BICRA: variants seen among roughly 807,000 people sequenced by gnomAD.
BICRA encodes BRD4-interacting chromatin-remodeling complex-associated protein.
In BICRA, 31 loss-of-function variants were observed where a neutral mutation model predicts 96.9. The ratio of observed to expected loss-of-function variants is 0.32; its 90% confidence interval spans 0.24 to 0.43. The LOEUF (loss-of-function observed/expected upper bound fraction) is 0.43, where lower values mean the gene tolerates loss of function less well. Among genes scored for constraint, BICRA ranks in the 20% least tolerant of loss-of-function variants. BICRA has a pLI of 1.00. For synonymous variants in BICRA, 1,350 were observed against 1,071.8 expected (o/e 1.26, Z -5.07); for missense variants, 2,283 against 2,190.3 (o/e 1.04, Z -0.84).
intron 10 of BICRA, 143 bp from the exon 11 acceptor site, chr19:47,696,308 G>A (rs1300400786): frequency 2.9e-6 from 2 of 694,938 alleles, no homozygotes; most frequent in Non-Finnish European, 4.9e-6. Flanking sequence ...GATGGGCAGG[G>A]GATCCTGTAG....
rs993641666 is a variant in BICRA, at chr19:47,673,453, C to T, written c.-5-117C>T. 3.3e-5 allele frequency: 26 copies of T among 782,684 alleles called. No homozygotes were observed. The Admixed American group carries it at 4.8e-4, about 14-fold the overall frequency. 48.5% of individuals were successfully genotyped at this position (782,684 alleles called of 1,614,324 possible). On this transcript the variant is annotated intron_variant, in intron 2 of 14. Transcript: ENST00000594866. ...TTGTCCCCATCTATCCCCATGGACTCAAGGGAACAGAAACTCTGACCCCCT... is the reference window on the plus strand; with the variant it reads ...TTGTCCCCATCTATCCCCATGGACTTAAGGGAACAGAAACTCTGACCCCCT...
At chr19:47,694,804 C>A in intron 8 of BICRA, 78 bp downstream of exon 8, 1 of 1,158,086 alleles carries the variant, frequency 8.6e-7, no homozygotes. Context: ...GCCCCTCCGC[C>A]TTACGGCTCT....
intron 1 of BICRA, among the ~76,000 whole-genome samples, chr19:47,617,124 G>A (rs990699649): frequency 6.6e-6 from 1 of 151,742 alleles, no homozygotes; most frequent in African/African-American, 2.4e-5. Context: ...CACCATACCA[G>A]GCCTATTATT....
Position 47,703,129 on chromosome 19 carries a change from C to G in BICRA, c.*714C>G, listed in dbSNP as rs1401694298. ...TTCTTCCTGCCTCCAGCCGCCCGCG[C>G]CAGATTTTGAAATCTCGGAGACAAA... On this transcript the variant is annotated 3_prime_UTR_variant, in exon 15 of 15. Coordinates refer to ENST00000594866, the MANE Select transcript of BICRA (RefSeq NM_001394372.1). The G allele has an allele frequency of 6.5e-6, 1 of 152,750 alleles. No homozygotes were observed. Among genetic ancestry groups the G allele is most frequent in the Non-Finnish European group, 1.5e-5 (1 of 68,150 alleles). The allele number at this position is 152,750 out of a possible 1,614,324, so 9.5% of individuals were successfully genotyped here.
intron 1 of BICRA, among the ~76,000 whole-genome samples, chr19:47,609,480 C>CA (rs1354970314): frequency 6.6e-6 from 1 of 150,914 alleles, no homozygotes; most frequent in Non-Finnish European, 1.5e-5. Flanking sequence ...TATGGGGACC[C>CA]CCCCCCAACC....
At chr19:47,637,777 T>A (rs1189395854) in intron 1 of BICRA, among the ~76,000 whole-genome samples, 1 of 152,186 alleles carries the variant, frequency 6.6e-6, no homozygotes, top group African/African-American at 2.4e-5. Context: ...GTAATTCACA[T>A]AAACATGATC....
chr19:47,648,109 C>G (rs1972487690), intron 1 of BICRA, among the ~76,000 whole-genome samples: 1 of 151,876 alleles, frequency 6.6e-6, no homozygotes. Context: ...TTACCGTCTC[C>G]CCGTCCCTCT....
At chr19:47,630,079 C>G (rs1297219612) in intron 1 of BICRA, among the ~76,000 whole-genome samples, 1 of 151,998 alleles carries the variant, frequency 6.6e-6, no homozygotes, top group Non-Finnish European at 1.5e-5. Context: ...AAACTCTGTA[C>G]CTATTAAAGA....
chr19:47,673,042 C>T (rs906399438), intron 2 of BICRA, among the ~76,000 whole-genome samples: 1 of 152,104 alleles, frequency 6.6e-6, no homozygotes, highest in African/African-American at 2.4e-5. Flanking sequence ...TACACTGGCT[C>T]CCTCACTCCT....
At chr19:47,669,695 C>A (rs982923128) in intron 1 of BICRA, among the ~76,000 whole-genome samples, 1 of 152,062 alleles carries the variant, frequency 6.6e-6, no homozygotes, top group Non-Finnish European at 1.5e-5. Context: ...CTCACTCTGT[C>A]GCCCAGGCTG....
At chr19:47,646,209 G>T (rs1972456903) in intron 1 of BICRA, among the ~76,000 whole-genome samples, 1 of 152,222 alleles carries the variant, frequency 6.6e-6, no homozygotes, top group South Asian at 2.1e-4. Flanking sequence ...CGTCCAGCAT[G>T]CGGAATGCTC....
intron 1 of BICRA, among the ~76,000 whole-genome samples, chr19:47,609,374 T>TC (rs1428607198): frequency 8.6e-5 from 4 of 46,628 alleles, no homozygotes; most frequent in African/African-American, 3.7e-4. Flanking sequence ...GCCCGCTGCC[T>TC]CCTTTTTTTT....
intron 7 of BICRA, among the ~76,000 whole-genome samples, chr19:47,683,831 G>C (rs540608390): frequency 3.3e-5 from 5 of 152,136 alleles, no homozygotes; most frequent in Non-Finnish European, 5.9e-5. Context: ...TTATCCACCC[G>C]CCTCAGCCTC....
intron 1 of BICRA, among the ~76,000 whole-genome samples, chr19:47,631,015 C>T (rs1052876473): frequency 1.3e-5 from 2 of 152,124 alleles, no homozygotes; most frequent in African/African-American, 4.8e-5. Flanking sequence ...GCTCAAATGT[C>T]ACGTGAAGCT....
At position 47,694,586 on chromosome 19, in the gene BICRA, T is replaced by A. The variant is rs1156525346; in HGVS notation, c.2755T>A (p.Ser919Thr). Residue 919 changes from serine to threonine, a missense_variant, in exon 8 of 15, where the codon TCC (serine) becomes ACC (threonine). Coordinates refer to ENST00000594866, the MANE Select transcript of BICRA (RefSeq NM_001394372.1). ...QFPPSQGPHK[S>T]PTPPPTLHLV... ...CCCACCCAGCCAGGGGCCCCACAAG[T>A]CCCCCACTCCCCCTCCAACCCTCCA... The A allele has an allele frequency of 6.4e-7, 1 of 1,553,148 alleles. No individual in the cohort carries two copies. The highest frequency in any genetic ancestry group is 2.3e-5 in the East Asian group (1 of 43,744).
At chr19:47,619,252 T>G (rs115975779) in intron 1 of BICRA, among the ~76,000 whole-genome samples, 20 of 151,208 alleles carry the variant, frequency 1.3e-4, no homozygotes, top group South Asian at 1.3e-3. Context: ...TTCCTTTTTT[T>G]TGTGTGTGTG....
chr19:47,612,196 C>G (rs750124041), intron 1 of BICRA, among the ~76,000 whole-genome samples: 1 of 152,058 alleles, frequency 6.6e-6, no homozygotes, highest in Non-Finnish European at 1.5e-5. Context: ...TGGAGGATTG[C>G]TTGAGCCCTG....
At chr19:47,608,404 C>T (rs1202028040), upstream of BICRA, 1 of 152,264 alleles carries the variant, frequency 6.6e-6, no homozygotes, top group African/African-American at 2.4e-5. Flanking sequence ...GAACTCCCCT[C>T]CATCCCCTCC....
intron 5 of BICRA, among the ~76,000 whole-genome samples, chr19:47,676,169 C>T (rs1972937541): frequency 6.6e-6 from 1 of 152,054 alleles, no homozygotes; most frequent in East Asian, 1.9e-4. Flanking sequence ...AGGTGAGGGT[C>T]CCCGAGGCCT....
Sources: allele counts gnomAD v4.1 joint callset (sites outside exome capture counted in the v4.1 genomes callset), GRCh38; gene constraint gnomAD v4.1.1; transcripts MANE v1.5; gene names NCBI Gene and HGNC (gene_info 2026-07-23, HGNC 2026-07-21).